PTPRT: variants seen among roughly 807,000 people sequenced by gnomAD.
PTPRT encodes the protein protein tyrosine phosphatase receptor type T.
Under a neutral mutation model 176.8 loss-of-function variants are expected in PTPRT, and 56 were observed. The ratio of observed to expected loss-of-function variants is 0.32; its 90% CI spans 0.26 to 0.40. PTPRT has a LOEUF of 0.40. Among genes scored for constraint, PTPRT ranks in the 10% least tolerant of loss-of-function variants. The pLI is 1.00. For synonymous variants in PTPRT, 783 were observed against 739.0 expected (o/e 1.06, Z -0.96); for missense variants, 1,540 against 1,908.2 (o/e 0.81, Z 3.60).
At chr20:42,555,073 T>C (rs1011497317) in intron 7 of PTPRT, among the ~76,000 whole-genome samples, 3 of 152,166 alleles carry the variant, frequency 2.0e-5, no homozygotes, top group Non-Finnish European at 2.9e-5. Flanking sequence ...GCAGATCAGA[T>C]TGTGGGAGGT....
intron 1 of PTPRT, among the ~76,000 whole-genome samples, chr20:43,019,992 T>G (rs1185675977): frequency 6.6e-6 from 1 of 151,866 alleles, no homozygotes; most frequent in Non-Finnish European, 1.5e-5. Context: ...GACCAATCCC[T>G]GGGTCTCCAG....
chr20:42,605,919 C>T (rs74741360), intron 7 of PTPRT, among the ~76,000 whole-genome samples: 1 of 152,326 alleles, frequency 6.6e-6, no homozygotes, highest in African/African-American at 2.4e-5. Context: ...CCAGAAATGT[C>T]ATGTGGCCAC....
At position 42,472,207 on chromosome 20, in the gene PTPRT, T is replaced by C. The variant is rs2071208667; in HGVS notation, c.1450+59A>G. 4 of 1,547,608 alleles carry C rather than the reference T, an allele frequency of 2.6e-6. No individual in the cohort carries two copies. In the Admixed American group the frequency reaches 5.7e-5, roughly 22 times the overall value. Reference sequence around the variant, plus strand: ...ATAAAAGCCTCATAACTGACTGCCATGGCCCTGTGAATAGATTCAATATCC... The same window carrying C: ...ATAAAAGCCTCATAACTGACTGCCACGGCCCTGTGAATAGATTCAATATCC... On this transcript the variant is annotated intron_variant, in intron 8 of 30. Coordinates refer to ENST00000373187, the MANE Select transcript of PTPRT (RefSeq NM_007050.6).
chr20:42,833,829 A>G (rs1022280208), intron 2 of PTPRT, among the ~76,000 whole-genome samples: 1 of 152,198 alleles, frequency 6.6e-6, no homozygotes, highest in Non-Finnish European at 1.5e-5. Context: ...GGGGGGAAGA[A>G]AGGAGGACCC....
chr20:42,616,987 T>C (rs1214608516), intron 7 of PTPRT, among the ~76,000 whole-genome samples: 16 of 133,186 alleles, frequency 1.2e-4, no homozygotes, highest in South Asian at 2.4e-4. Context: ...TGAATAGGAG[T>C]GGTGAGAGAG....
intron 16 of PTPRT, among the ~76,000 whole-genome samples, chr20:42,183,068 T>C (rs937673747): frequency 9.9e-5 from 15 of 152,112 alleles, no homozygotes; most frequent in Non-Finnish European, 4.4e-5. Flanking sequence ...TACCTCACTA[T>C]CACCAAGATG....
intron 2 of PTPRT, among the ~76,000 whole-genome samples, chr20:42,822,333 A>G (rs992066687): frequency 3.3e-5 from 5 of 152,236 alleles, no homozygotes; most frequent in Non-Finnish European, 5.9e-5. Context: ...TGGTGCTGGG[A>G]TAACTGCCTA....
intron 1 of PTPRT, among the ~76,000 whole-genome samples, chr20:43,121,495 G>C (rs573648522): frequency 3.3e-5 from 5 of 151,910 alleles, no homozygotes; most frequent in Admixed American, 2.0e-4. Context: ...CATTTTGTCT[G>C]TATCAGTTAA....
chr20:42,353,177 T>C (rs532582012), intron 9 of PTPRT, among the ~76,000 whole-genome samples: 1 of 152,314 alleles, frequency 6.6e-6, no homozygotes, highest in East Asian at 1.9e-4. Flanking sequence ...TGCTGGACAC[T>C]GCAGTCATAG....
chr20:42,098,573 G>A (rs1405542590), intron 26 of PTPRT, 21 bp from the exon 27 acceptor site: 14 of 1,613,644 alleles, frequency 8.7e-6, no homozygotes, highest in Middle Eastern at 1.7e-4. Flanking sequence ...AATGACACAG[G>A]CTTCGTAAAT....
chr20:42,855,130 G>A (rs1030644690), intron 2 of PTPRT, among the ~76,000 whole-genome samples: 2 of 152,066 alleles, frequency 1.3e-5, no homozygotes, highest in African/African-American at 2.4e-5. Flanking sequence ...CCATTTCAGT[G>A]AATACAGTCA....
At chr20:43,109,774 C>A (rs1230437381) in intron 1 of PTPRT, among the ~76,000 whole-genome samples, 1 of 152,004 alleles carries the variant, frequency 6.6e-6, no homozygotes, top group Non-Finnish European at 1.5e-5. Context: ...AGTTAAGACC[C>A]AAAGTGAGGA....
chr20:42,574,568 G>A (rs1219230528), intron 7 of PTPRT, among the ~76,000 whole-genome samples: 1 of 152,176 alleles, frequency 6.6e-6, no homozygotes, highest in African/African-American at 2.4e-5. Flanking sequence ...GGGATGGAGG[G>A]AGGGAGAGGA....
intron 7 of PTPRT, among the ~76,000 whole-genome samples, chr20:42,581,258 T>G (rs970197998): frequency 6.6e-6 from 1 of 152,192 alleles, no homozygotes. Context: ...GCCTACTCTT[T>G]AAAATTATTA....
intron 13 of PTPRT, chr20:42,270,437 G>C: frequency 6.4e-7 from 1 of 1,551,280 alleles, no homozygotes; most frequent in South Asian, 1.2e-5. Flanking sequence ...GGGTCACCTG[G>C]GCGCTGCCCA....
chr20:42,659,508 G>A (rs1172235309), intron 7 of PTPRT, among the ~76,000 whole-genome samples: 1 of 152,174 alleles, frequency 6.6e-6, no homozygotes, highest in African/African-American at 2.4e-5. Context: ...AGACACAGAG[G>A]TCTGTCCTCA....
At chr20:42,585,919 T>C (rs779046644) in intron 7 of PTPRT, among the ~76,000 whole-genome samples, 10 of 152,170 alleles carry the variant, frequency 6.6e-5, no homozygotes, top group African/African-American at 9.7e-5. Context: ...TATATATGTA[T>C]GAATAGACAT....
chr20:43,118,139 A>T (rs975167169), intron 1 of PTPRT, among the ~76,000 whole-genome samples: 1 of 152,220 alleles, frequency 6.6e-6, no homozygotes, highest in Non-Finnish European at 1.5e-5. Flanking sequence ...GAAAGCAGCT[A>T]CCAGCTGTAT....
At chr20:42,432,517 CGTT>C (rs1475813701) in intron 9 of PTPRT, among the ~76,000 whole-genome samples, 11 of 152,208 alleles carry the variant, frequency 7.2e-5, no homozygotes, top group Admixed American at 6.5e-5. Flanking sequence ...GGAAATCACA[CGTT>C]ACTACATTCC....
Sources: allele counts gnomAD v4.1 joint callset (sites outside exome capture counted in the v4.1 genomes callset), GRCh38; gene constraint gnomAD v4.1.1; transcripts MANE v1.5; gene names NCBI Gene and HGNC (gene_info 2026-07-23, HGNC 2026-07-21).